PIGN: variants seen among roughly 807,000 people sequenced by gnomAD.
The protein encoded by PIGN is phosphatidylinositol glycan anchor biosynthesis class N.
In PIGN, 117 loss-of-function variants were observed where a neutral mutation model predicts 125.4. The observed-to-expected ratio is 0.93, with a 90% CI of 0.80 to 1.09. PIGN has a LOEUF of 1.09. Among genes scored for constraint, PIGN ranks in the 50% least tolerant of loss-of-function variants. PIGN has a pLI of 0.00. For missense variants in PIGN, 1,075 were observed against 1,094.9 expected, an observed-to-expected ratio of 0.98 and a Z score of 0.26; for synonymous variants, 392 against 377.8, an observed-to-expected ratio of 1.04 and a Z score of -0.44.
intron 22 of PIGN, among the ~76,000 whole-genome samples, chr18:62,100,319 G>T (rs2034386102): frequency 6.6e-6 from 1 of 152,160 alleles, no homozygotes; most frequent in African/African-American, 2.4e-5. Flanking sequence ...AAAAATAGCA[G>T]ATGCTGGCAA....
Position 62,140,413 on chromosome 18 carries a change from T to A in PIGN, c.1023+7A>T. ...CTGAGAGTTGATAATAAAATTTTAT[T>A]CCTTACCACTGAGTTAAGAGGAAAG... On this transcript the variant is annotated splice_region_variant and intron_variant, in intron 12 of 30. Coordinates refer to ENST00000640252, the MANE Select transcript of PIGN (RefSeq NM_176787.5). 1 of 1,325,140 alleles carries A rather than the reference T, an allele frequency of 7.5e-7. No homozygotes were observed. Among genetic ancestry groups the A allele is most frequent in the Non-Finnish European group, 1.1e-6 (1 of 943,256 alleles). 82.1% of individuals were successfully genotyped at this position (1,325,140 alleles called of 1,614,324 possible). A position where few individuals can be genotyped will look rare whatever the true frequency, so the allele number is the denominator to read the frequency against.
At chr18:62,158,437 C>T (rs996153920) in intron 4 of PIGN, among the ~76,000 whole-genome samples, 1 of 151,832 alleles carries the variant, frequency 6.6e-6, no homozygotes, top group Non-Finnish European at 1.5e-5. Flanking sequence ...GGGAAAATGG[C>T]TACACTCCTA....
At chr18:62,138,614 T>G (rs2036021577) in intron 13 of PIGN, among the ~76,000 whole-genome samples, 1 of 152,200 alleles carries the variant, frequency 6.6e-6, no homozygotes, top group Non-Finnish European at 1.5e-5. Context: ...AAGGTTTTAG[T>G]CAAAGGGTCA....
At chr18:62,026,563 A>T (rs980522738) in intron 23 of PIGN, among the ~76,000 whole-genome samples, 1 of 152,254 alleles carries the variant, frequency 6.6e-6, no homozygotes, top group Non-Finnish European at 1.5e-5. Context: ...TGAAAAAACC[A>T]AACCTTTCAA....
chr18:62,070,663 A>T (rs1379614120), intron 30 of PIGN, among the ~76,000 whole-genome samples: 1 of 152,216 alleles, frequency 6.6e-6, no homozygotes, highest in East Asian at 1.9e-4. Context: ...CATTTGGAGA[A>T]GAAAAGGCAA....
chr18:62,166,788 C>T (rs796905379), intron 1 of PIGN, among the ~76,000 whole-genome samples: 3 of 152,322 alleles, frequency 2.0e-5, no homozygotes, highest in African/African-American at 7.2e-5. Context: ...TCATTCTCAG[C>T]AAACTAACAC....
intron 27 of PIGN, among the ~76,000 whole-genome samples, chr18:62,084,018 T>C (rs928792682): frequency 1.3e-5 from 2 of 152,184 alleles, no homozygotes; most frequent in African/African-American, 4.8e-5. Flanking sequence ...AAGAAGAACA[T>C]GAATTACATT....
chr18:62,180,048 A>G (rs2037662227), intron 1 of PIGN, among the ~76,000 whole-genome samples: 1 of 152,240 alleles, frequency 6.6e-6, no homozygotes, highest in Non-Finnish European at 1.5e-5. Flanking sequence ...TACAAATAAT[A>G]TGGCAATTAA....
intron 7 of PIGN, among the ~76,000 whole-genome samples, chr18:62,152,535 A>G (rs2036574972): frequency 6.6e-6 from 1 of 152,162 alleles, no homozygotes; most frequent in Non-Finnish European, 1.5e-5. Context: ...TTTGGTTTAC[A>G]CTACCTTCAA....
intron 1 of PIGN, chr18:62,184,741 C>T (rs1019269430): frequency 3.9e-5 from 6 of 152,178 alleles, no homozygotes; most frequent in Non-Finnish European, 7.4e-5. Flanking sequence ...CCCTTCAGCC[C>T]TACTGACTTA....
intron 1 of PIGN, among the ~76,000 whole-genome samples, chr18:62,182,197 T>C (rs915006591): frequency 5.3e-5 from 8 of 152,214 alleles, no homozygotes; most frequent in Non-Finnish European, 2.9e-5. Flanking sequence ...ATACTTTCTA[T>C]CCTGGCAAGT....
At chr18:62,141,173 A>G (rs1230973745) in intron 11 of PIGN, among the ~76,000 whole-genome samples, 1 of 152,216 alleles carries the variant, frequency 6.6e-6, no homozygotes, top group Non-Finnish European at 1.5e-5. Context: ...TTTTCAGGCA[A>G]TAAAGTACTC....
At chr18:62,085,737 A>G (rs2033668044) in intron 25 of PIGN, among the ~76,000 whole-genome samples, 1 of 152,240 alleles carries the variant, frequency 6.6e-6, no homozygotes, top group South Asian at 2.1e-4. Context: ...ATAATTCAAT[A>G]GAGAATGACA....
At chr18:62,163,924 T>C (rs2037042089) in intron 1 of PIGN, among the ~76,000 whole-genome samples, 1 of 152,218 alleles carries the variant, frequency 6.6e-6, no homozygotes, top group Non-Finnish European at 1.5e-5. Flanking sequence ...CAAGTGAAAT[T>C]ATACAGTATT....
chr18:62,135,008 G>T (rs2035874152), intron 14 of PIGN, among the ~76,000 whole-genome samples: 1 of 152,042 alleles, frequency 6.6e-6, no homozygotes, highest in Non-Finnish European at 1.5e-5. Context: ...ATTTCATTTA[G>T]TTTGAGGTCC....
chr18:62,130,851 TATA>T (rs2035707939), intron 14 of PIGN, among the ~76,000 whole-genome samples: 1 of 152,110 alleles, frequency 6.6e-6, no homozygotes, highest in African/African-American at 2.4e-5. Flanking sequence ...ATTTTAAGAG[TATA>T]AAGACAGAGA....
intron 1 of PIGN, among the ~76,000 whole-genome samples, chr18:62,172,396 G>C (rs2037372646): frequency 6.6e-6 from 1 of 152,002 alleles, no homozygotes; most frequent in Non-Finnish European, 1.5e-5. Context: ...ATTCTATCCA[G>C]AGCTAAAGTA....
downstream of PIGN, among the ~76,000 whole-genome samples, chr18:62,040,154 A>C (rs1325929959): frequency 4.9e-4 from 23 of 46,610 alleles, no homozygotes; most frequent in African/African-American, 1.7e-3. Flanking sequence ...GGGTGCCGCA[A>C]CTCATGTTTA....
chr18:62,059,015 C>T (rs1249945421), intron 30 of PIGN: 1 of 151,768 alleles, frequency 6.6e-6, no homozygotes, highest in Admixed American at 6.6e-5. Flanking sequence ...GAGTGAGACC[C>T]TGTCTCTAAA....
Sources: gnomAD v4.1 joint callset for allele counts (sites outside exome capture counted in the v4.1 genomes callset) on GRCh38, gnomAD v4.1.1 for gene constraint, MANE v1.5 for transcripts, NCBI Gene and HGNC (gene_info 2026-07-23, HGNC 2026-07-21) for gene names.